Variants in FNDC7 observed in about 807,000 individuals in gnomAD.
The protein encoded by FNDC7 is fibronectin type III domain containing 7, also known as fibronectin type III domain-containing protein 7.
Under a neutral mutation model 74.2 loss-of-function variants are expected in FNDC7, and 66 were observed. The ratio of observed to expected loss-of-function variants is 0.89; its 90% CI spans 0.73 to 1.09. The LOEUF (loss-of-function observed/expected upper bound fraction) is 1.09, where lower values mean the gene tolerates loss of function less well. Ranked by LOEUF, FNDC7 falls within the 50% of genes least tolerant of loss-of-function variation. FNDC7 has a pLI of 0.00. For missense variants in FNDC7, 829 were observed against 893.4 expected (o/e 0.93, Z 0.92); for synonymous variants, 307 against 330.2 (o/e 0.93, Z 0.76).
chr1:108,733,553 T>C, intron 10 of FNDC7, 21 bp downstream of exon 10: 1 of 1,607,686 alleles, frequency 6.2e-7, no homozygotes, highest in Non-Finnish European at 8.5e-7. Context: ...TTATGACAGT[T>C]TATCTAAAAC....
At position 108,725,755 on chromosome 1, in the gene FNDC7, T is replaced by G; in HGVS notation, c.862T>G (p.Cys288Gly). The G allele has an allele frequency of 6.2e-7, 1 of 1,613,666 alleles. No individual in the cohort carries two copies. Reference protein sequence around the residue: ...SSAMTLKTVACAPGRVTIQED... With the variant: ...SSAMTLKTVAGAPGRVTIQED... Reference sequence around the variant, plus strand: ...TATTATTGATCATTTCCTAGTTGCTTGTGCACCCGGAAGAGTGACGATCCA... The same window carrying G: ...TATTATTGATCATTTCCTAGTTGCTGGTGCACCCGGAAGAGTGACGATCCA... The change falls in exon 6 of 13, where the codon TGT becomes GGT. Residue 288 changes from cysteine to glycine, a missense_variant. Cys to Gly is a radical substitution (Grantham distance 159, BLOSUM62 -3). Coordinates refer to ENST00000370017, the MANE Select transcript of FNDC7 (RefSeq NM_001144937.3).
chr1:108,741,359 T>G (rs1661644098), intron 11 of FNDC7, among the ~76,000 whole-genome samples: 1 of 152,182 alleles, frequency 6.6e-6, no homozygotes, highest in Non-Finnish European at 1.5e-5. Context: ...CTGTACATCC[T>G]GGGCAACTTT....
At chr1:108,737,428 A>C (rs536442157) in intron 10 of FNDC7, 67 bp from the exon 11 acceptor site, 7 of 1,380,626 alleles carry the variant, frequency 5.1e-6, no homozygotes, top group Middle Eastern at 2.1e-4. Context: ...TTCTTAAGTT[A>C]AATCTTCACT....
intron 8 of FNDC7, among the ~76,000 whole-genome samples, chr1:108,729,410 G>A (rs570413258): frequency 4.6e-5 from 7 of 152,276 alleles, no homozygotes; most frequent in Admixed American, 1.3e-4. Context: ...TTAGCTAGGC[G>A]GGGTGGTGGG....
intron 11 of FNDC7, among the ~76,000 whole-genome samples, chr1:108,741,329 C>G (rs549749556): frequency 6.6e-6 from 1 of 152,098 alleles, no homozygotes; most frequent in Admixed American, 6.5e-5. Context: ...TCTTTAGGAC[C>G]CAACATGTTT....
At chr1:108,725,309 C>T (rs528850911) in intron 5 of FNDC7, among the ~76,000 whole-genome samples, 69 of 152,132 alleles carry the variant, frequency 4.5e-4, no homozygotes, top group African/African-American at 1.6e-3. Flanking sequence ...TAATATAAAA[C>T]ACAATGAATG....
rs1661014505 is a variant in FNDC7, at chr1:108,717,942, T to A, written c.248T>A (p.Leu83Gln). ...AATTCCCCAGGCACTGTGACGGGAC[T>A]AAAGGCTGCAACCTGGTATGAAATC... Reference protein sequence around the residue: ...VANSPGTVTGLKAATWYEITI... With the variant: ...VANSPGTVTGQKAATWYEITI... The change falls in exon 3 of 13, where the codon CTA (leucine) becomes CAA (glutamine). Residue 83 changes from leucine (L) to glutamine (Q), a missense_variant. Transcript: ENST00000370017. 1 of 1,551,636 alleles carries A rather than the reference T, an allele frequency of 6.4e-7. No homozygotes were observed.
chr1:108,721,192 G>A (rs1435466885), intron 4 of FNDC7, among the ~76,000 whole-genome samples: 2 of 152,030 alleles, frequency 1.3e-5, no homozygotes, highest in African/African-American at 2.4e-5. Flanking sequence ...CTTCCCGGCC[G>A]GGCACGGTAG....
intron 6 of FNDC7, 124 bp from the exon 7 acceptor site, chr1:108,727,684 A>T (rs529822037): frequency 7.1e-6 from 8 of 1,132,710 alleles, no homozygotes; most frequent in South Asian, 5.7e-5. Flanking sequence ...ACCCATAGGG[A>T]GTCACTGTAG....
At chr1:108,741,738 C>T (rs1570739520) in intron 11 of FNDC7, 35 bp from the exon 12 acceptor site, 1 of 1,606,890 alleles carries the variant, frequency 6.2e-7, no homozygotes, top group Non-Finnish European at 8.5e-7. Context: ...ATATTGAATG[C>T]ATCTTTTACT....
At chr1:108,718,593 G>A (rs1291619285) in intron 3 of FNDC7, among the ~76,000 whole-genome samples, 196 bp from the exon 4 acceptor site, 1 of 152,148 alleles carries the variant, frequency 6.6e-6, no homozygotes, top group East Asian at 1.9e-4. Flanking sequence ...GCGTTTCTCT[G>A]TTTCCCATTC....
Position 108,722,507 on chromosome 1 carries a change from G to C in FNDC7, c.771G>C (p.Gln257His). The change falls in exon 5 of 13, where the codon CAG becomes CAC. Residue 257 changes from glutamine to histidine, a missense_variant. By Grantham distance (24) the Gln-to-His change is conservative (BLOSUM62 0). Transcript: ENST00000370017. Reference sequence around the variant, plus strand: ...GTTCCTGCACCATCTCTTCCCTCCAGTGTGGAACTGAATACTTGATTTCAG... The same window carrying C: ...GTTCCTGCACCATCTCTTCCCTCCACTGTGGAACTGAATACTTGATTTCAG... ...TFSSCTISSL[Q>H]CGTEYLISVL... 6.2e-7 allele frequency: 1 copy of C among 1,614,198 alleles called. No individual in the cohort carries two copies. The highest frequency in any genetic ancestry group is 2.2e-5 in the East Asian group (1 of 44,892).
intron 5 of FNDC7, 85 bp downstream of exon 5, chr1:108,722,677 C>T (rs1661120579): frequency 2.1e-6 from 3 of 1,399,974 alleles, no homozygotes; most frequent in Non-Finnish European, 2.9e-6. Flanking sequence ...TTTCTGAATA[C>T]TCTGGAAAAA....
At chr1:108,737,470 T>C in intron 10 of FNDC7, 25 bp from the exon 11 acceptor site, 1 of 1,557,718 alleles carries the variant, frequency 6.4e-7, no homozygotes, top group Non-Finnish European at 8.7e-7. Flanking sequence ...AGATTTTATT[T>C]TAAATGCTTG....
At chr1:108,728,524 G>C (rs1661269594) in intron 7 of FNDC7, 108 bp from the exon 8 acceptor site, 1 of 1,355,416 alleles carries the variant, frequency 7.4e-7, no homozygotes, top group Non-Finnish European at 1.0e-6. Context: ...GCATGACGTG[G>C]TTGAAAACTG....
chr1:108,730,761 C>T lies in FNDC7; in HGVS notation c.1712C>T (p.Thr571Ile), dbSNP rs1387605772. 6.2e-7 allele frequency: 1 copy of T among 1,613,740 alleles called. No individual in the cohort carries two copies. The highest frequency in any genetic ancestry group is 1.3e-5 in the African/African-American group (1 of 74,894). The part of the protein sequence containing the change: ...VSWTIGRVAQ[T>I]HVAVLESHTG... ...TGGACTATTGGGAGAGTGGCTCAAA[C>T]CCATGTTGCAGTTCTGGAGTCACAC... is the stretch of plus-strand genomic sequence containing the variant. The change falls in exon 9 of 13, where the codon ACC (threonine) becomes ATC (isoleucine). Residue 571 changes from threonine (T) to isoleucine (I), a missense_variant. Coordinates refer to ENST00000370017, the MANE Select transcript of FNDC7 (RefSeq NM_001144937.3).
intron 6 of FNDC7, 115 bp from the exon 7 acceptor site, chr1:108,727,693 A>G: frequency 1.6e-6 from 2 of 1,245,712 alleles, no homozygotes; most frequent in East Asian, 4.6e-5. Context: ...GAGTCACTGT[A>G]GTCATCAGGG....
chr1:108,718,073 T>C (rs1481022476), intron 3 of FNDC7, 42 bp downstream of exon 3: 3 of 1,543,404 alleles, frequency 1.9e-6, no homozygotes, highest in Non-Finnish European at 1.8e-6. Context: ...TGTTTGCTTG[T>C]GACTTGGATC....
At chr1:108,729,679 A>T (rs1011173787) in intron 8 of FNDC7, among the ~76,000 whole-genome samples, 9 of 152,264 alleles carry the variant, frequency 5.9e-5, no homozygotes, top group African/African-American at 2.2e-4. Flanking sequence ...CCTGATGCAC[A>T]GCAAGAGCTC....
Sources: allele counts gnomAD v4.1 joint callset (sites outside exome capture counted in the v4.1 genomes callset), GRCh38; gene constraint gnomAD v4.1.1; transcripts MANE v1.5; gene names NCBI Gene and HGNC (gene_info 2026-07-23, HGNC 2026-07-21).